The following CACNA1C variants were observed in gnomAD, a reference collection of about 807,000 sequenced individuals.
The protein encoded by CACNA1C is voltage-dependent L-type calcium channel subunit alpha-1C.
In CACNA1C, 30 loss-of-function variants were observed where a neutral mutation model predicts 229.0. That is an observed-to-expected ratio of 0.13 (90% CI 0.10 to 0.18). CACNA1C has a LOEUF of 0.18. Ranked by LOEUF, CACNA1C falls within the 10% of genes least tolerant of loss-of-function variation. The pLI, the probability that CACNA1C is intolerant of heterozygous loss-of-function variation, is 1.00. For synonymous variants in CACNA1C, 1,114 were observed against 1,132.5 expected (o/e 0.98, Z 0.33); for missense variants, 1,658 against 2,845.0 (o/e 0.58, Z 9.49).
upstream of CACNA1C, chr12:2,052,956 G>GT (rs1565389751): frequency 1.0e-6 from 1 of 978,990 alleles, no homozygotes; most frequent in African/African-American, 1.8e-5. Flanking sequence ...TGGGCCGGGG[G>GT]GAGTGAGCGC....
At chr12:2,266,418 T>C (rs540161496) in intron 3 of CACNA1C, among the ~76,000 whole-genome samples, 1 of 152,360 alleles carries the variant, frequency 6.6e-6, no homozygotes, top group East Asian at 1.9e-4. Context: ...CCTGTTCTCA[T>C]GCTCCTTCTG....
chr12:2,076,930 C>T (rs946892517), intron 1 of CACNA1C, among the ~76,000 whole-genome samples: 1 of 152,230 alleles, frequency 6.6e-6, no homozygotes, highest in African/African-American at 2.4e-5. Context: ...GAACCAGCCA[C>T]CCCTGGAATC....
chr12:2,342,639 A>C (rs1299634701), intron 3 of CACNA1C, among the ~76,000 whole-genome samples: 1 of 152,188 alleles, frequency 6.6e-6, no homozygotes, highest in Admixed American at 6.5e-5. Context: ...CCTGGATGAA[A>C]CACTTCCCTG....
rs2057897971 is a variant in CACNA1C at position 2,575,059 on chromosome 12, T to A, written c.1896-6531T>A. ...TCAGAGAAGCATGCTGCTAAGGCCA[T>A]CCCCAGGTCCAGGCCAGACCACCTT... On this transcript the variant is annotated intron_variant, in intron 13 of 46. Coordinates refer to ENST00000399655, the MANE Select transcript of CACNA1C (RefSeq NM_000719.7). The surrounding 1 kb of genome is among the most constrained non-coding windows in gnomAD (Gnocchi z 4.0). Among the ~76,000 whole-genome samples, 1 of 152,148 alleles carries A rather than the reference T, an allele frequency of 6.6e-6. No homozygotes were observed. The highest frequency in any genetic ancestry group is 2.4e-5 in the African/African-American group (1 of 41,436).
At chr12:2,606,265 C>G (rs1040193190) in intron 24 of CACNA1C, among the ~76,000 whole-genome samples, 1 of 152,106 alleles carries the variant, frequency 6.6e-6, no homozygotes, top group Admixed American at 6.5e-5. Context: ...TTCTGCTATT[C>G]TCCCACCTAG....
At chr12:2,195,753 G>A (rs1472777867) in intron 3 of CACNA1C, among the ~76,000 whole-genome samples, 1 of 152,188 alleles carries the variant, frequency 6.6e-6, no homozygotes, top group Non-Finnish European at 1.5e-5. Context: ...CCTGGAATTC[G>A]ACAGTGCTTA....
intron 28 of CACNA1C, among the ~76,000 whole-genome samples, chr12:2,611,627 T>C (rs2077855159): frequency 6.6e-6 from 1 of 152,026 alleles, no homozygotes; most frequent in Non-Finnish European, 1.5e-5. Flanking sequence ...ACAGAGCTTG[T>C]TCCCAAGCTC....
In CACNA1C at chr12:2,328,569, A is replaced by G. The variant is rs75388666; in HGVS notation, c.478-120407A>G. Among the ~76,000 whole-genome samples the G allele has an allele frequency of 7.9e-5, 12 of 152,336 alleles. No individual in the cohort carries two copies. In the East Asian group the frequency reaches 2.3e-3, roughly 29 times the overall value. On this transcript the variant is annotated intron_variant, in intron 3 of 46. Coordinates refer to ENST00000399655, the MANE Select transcript of CACNA1C (RefSeq NM_000719.7). ...ATTAAGAACCCCAAAAGTGAACATT[A>G]GTGAATTATCACTCTTCAGACCAAC...
At chr12:2,223,090 A>G (rs1327743684) in intron 3 of CACNA1C, among the ~76,000 whole-genome samples, 1 of 152,186 alleles carries the variant, frequency 6.6e-6, no homozygotes, top group Non-Finnish European at 1.5e-5. Flanking sequence ...TAATTTTTAA[A>G]TCCTTGATTG....
chr12:2,650,338 G>A lies in CACNA1C; in HGVS notation c.3946-1302G>A, dbSNP rs142908285. Among the ~76,000 whole-genome samples the A allele has an allele frequency of 5.8e-4, 89 of 152,272 alleles. 2 individuals are homozygous for A. The East Asian group carries it at 0.016, about 27-fold the overall frequency. Reference sequence around the variant, plus strand: ...GCAGCGCAGTTAGAAGGGCTTTAGCGCTGGATATTGCCAGTGAGAGTCTGA... The same window carrying A: ...GCAGCGCAGTTAGAAGGGCTTTAGCACTGGATATTGCCAGTGAGAGTCTGA... On this transcript the variant is annotated intron_variant, in intron 31 of 46. Transcript: ENST00000399655.
intron 3 of CACNA1C, among the ~76,000 whole-genome samples, chr12:2,194,067 C>A (rs1215519959): frequency 2.0e-5 from 3 of 152,104 alleles, no homozygotes; most frequent in Non-Finnish European, 4.4e-5. Flanking sequence ...TTAGAGTCAG[C>A]GGATTCCCAC....
intron 1 of CACNA1C, among the ~76,000 whole-genome samples, chr12:2,097,437 C>T (rs571430194): frequency 7.2e-5 from 11 of 152,294 alleles, no homozygotes; most frequent in Admixed American, 1.3e-4. Flanking sequence ...TGAGCCACCG[C>T]GCCTGGCCAC....
chr12:2,240,478 CA>C (rs2069495140), intron 3 of CACNA1C, among the ~76,000 whole-genome samples: 1 of 152,200 alleles, frequency 6.6e-6, no homozygotes, highest in Non-Finnish European at 1.5e-5. Flanking sequence ...TAGAATCCAA[CA>C]AAAGCCACTG....
At position 1,996,652 on chromosome 12, in the gene CACNA1C, A is replaced by C. The variant is rs558224984; in HGVS notation, c.139+25451A>C. On this transcript the variant is annotated intron_variant, in intron 1 of 46. Transcript: ENST00000682462. ...AAAAAAAAAAAAAAAAAAAAAAAAA[A>C]AAACAACAAACTCTTCTAATGTTTT... Among the ~76,000 whole-genome samples, 13 of 38,932 alleles carry C rather than the reference A, an allele frequency of 3.3e-4. 1 individual carries two copies. The highest frequency in any genetic ancestry group is 1.9e-3 in the African/African-American group (12 of 6,372). The allele number at this position is 38,932 out of a possible 152,430, so 25.5% of individuals were successfully genotyped here.
chr12:2,283,646 G>A (rs2092005792), intron 3 of CACNA1C, among the ~76,000 whole-genome samples: 2 of 152,328 alleles, frequency 1.3e-5, no homozygotes, highest in South Asian at 4.1e-4. Context: ...ATTGGCACAT[G>A]GTCTAAAGAC....
At chr12:2,532,797 A>T (rs1253206062) in intron 9 of CACNA1C, among the ~76,000 whole-genome samples, 1 of 152,200 alleles carries the variant, frequency 6.6e-6, no homozygotes, top group Non-Finnish European at 1.5e-5. Flanking sequence ...GAGACAGGTC[A>T]CGGAGAGGTA....
rs2097824094 is a variant in CACNA1C, at chr12:2,694,689, A to G, written c.*3490A>G. The G allele has an allele frequency of 6.6e-6, 1 of 152,250 alleles. No individual in the cohort carries two copies. The highest frequency in any genetic ancestry group is 1.5e-5 in the Non-Finnish European group (1 of 68,058). 9.4% of individuals were successfully genotyped at this position (152,250 alleles called of 1,614,324 possible). A position where few individuals can be genotyped will look rare whatever the true frequency, so the allele number is the denominator to read the frequency against. On this transcript the variant is annotated 3_prime_UTR_variant, in exon 47 of 47. Transcript: ENST00000399655. ...TTCTCCCAGCTTTTCTCCACCCAGC[A>G]TGTCTCCTGCCCATGCAGCTGAAGA...
At chr12:2,306,825 G>A (rs1315467446) in intron 3 of CACNA1C, among the ~76,000 whole-genome samples, 1 of 152,224 alleles carries the variant, frequency 6.6e-6, no homozygotes, top group Admixed American at 6.5e-5. Context: ...CCGCAGTTTG[G>A]TAGAAGCTGA....
intron 13 of CACNA1C, among the ~76,000 whole-genome samples, chr12:2,569,641 G>T (rs913266798): frequency 6.6e-6 from 1 of 152,132 alleles, no homozygotes; most frequent in Non-Finnish European, 1.5e-5. Context: ...TCCTTTTATG[G>T]TGAATAATAT....
Sources: allele counts gnomAD v4.1 joint callset (sites outside exome capture counted in the v4.1 genomes callset), GRCh38; gene constraint gnomAD v4.1.1; non-coding constraint Gnocchi (gnomAD v3.1); transcripts MANE v1.5; gene names NCBI Gene and HGNC (gene_info 2026-07-23, HGNC 2026-07-21).